The following EPHB1 variants were observed in gnomAD, a reference collection of about 807,000 sequenced individuals.
The protein encoded by EPHB1 is EPH receptor B1.
Under a neutral mutation model 94.4 loss-of-function variants are expected in EPHB1, and 30 were observed. That is an observed-to-expected ratio of 0.32 (90% CI 0.24 to 0.43). The LOEUF (loss-of-function observed/expected upper bound fraction) is 0.43. Ranked by LOEUF, EPHB1 falls within the 20% of genes least tolerant of loss-of-function variation. The pLI, the probability that EPHB1 is intolerant of heterozygous loss-of-function variation, is 1.00. For missense variants in EPHB1, 1,055 were observed against 1,308.3 expected, an observed-to-expected ratio of 0.81 and a Z score of 2.99; for synonymous variants, 522 against 489.1, an observed-to-expected ratio of 1.07 and a Z score of -0.89.
chr3:134,857,675 C>G (rs2037152851), intron 1 of EPHB1, among the ~76,000 whole-genome samples: 2 of 152,106 alleles, frequency 1.3e-5, no homozygotes, highest in Non-Finnish European at 2.9e-5. Context: ...AGTGCTCACC[C>G]CAAGTGACAC....
At chr3:134,996,074 A>C (rs562343203) in intron 3 of EPHB1, among the ~76,000 whole-genome samples, 1 of 152,296 alleles carries the variant, frequency 6.6e-6, no homozygotes, top group African/African-American at 2.4e-5. Context: ...TAAATTTAGC[A>C]ACTTATTTCA....
At chr3:135,019,119 C>A (rs1292831607) in intron 3 of EPHB1, among the ~76,000 whole-genome samples, 2 of 152,114 alleles carry the variant, frequency 1.3e-5, no homozygotes, top group African/African-American at 4.8e-5. Flanking sequence ...TACCTGGAGG[C>A]CCCACACCCC....
intron 3 of EPHB1, among the ~76,000 whole-genome samples, chr3:134,962,232 T>C (rs1933546457): frequency 6.6e-6 from 1 of 152,200 alleles, no homozygotes; most frequent in Non-Finnish European, 1.5e-5. Flanking sequence ...CTTTGCAAAG[T>C]TCCATAAACT....
chr3:135,154,544 C>A (rs1941293746), intron 6 of EPHB1: 1 of 365,292 alleles, frequency 2.7e-6, no homozygotes, highest in African/African-American at 2.1e-5. Context: ...AGGACCAGTC[C>A]CATTTTTCCA....
intron 3 of EPHB1, among the ~76,000 whole-genome samples, chr3:135,037,272 G>A (rs1351009779): frequency 3.9e-5 from 6 of 152,254 alleles, no homozygotes; most frequent in Admixed American, 3.3e-4. Flanking sequence ...GAGACAGGAA[G>A]AATACTGGGA....
At position 135,162,042 on chromosome 3, in the gene EPHB1, A is replaced by G. The variant is rs1176692944; in HGVS notation, c.1447A>G (p.Met483Val). The change falls in exon 7 of 16, where the codon ATG becomes GTG. Residue 483 changes from methionine (M) to valine (V), a missense_variant. Met to Val is a conservative substitution (Grantham distance 21). Coordinates refer to ENST00000398015, the MANE Select transcript of EPHB1 (RefSeq NM_004441.5). ...GGAACACAATGAGTTCAACTCCTCC[A>G]TGGCCAGGAGTCAGACCAACACAGC... ...EKEHNEFNSS[M>V]ARSQTNTARI... 3 of 1,612,262 alleles carry G rather than the reference A, an allele frequency of 1.9e-6. No individual in the cohort carries two copies. In the African/African-American group the frequency reaches 4.0e-5, roughly 22 times the overall value.
chr3:134,929,418 A>G (rs2038860716), intron 2 of EPHB1, among the ~76,000 whole-genome samples: 1 of 152,200 alleles, frequency 6.6e-6, no homozygotes, highest in South Asian at 2.1e-4. Flanking sequence ...TAAGAGCTGA[A>G]TTGTGGCTGA....
At chr3:135,102,758 G>T (rs1339430762) in intron 3 of EPHB1, among the ~76,000 whole-genome samples, 1 of 152,182 alleles carries the variant, frequency 6.6e-6, no homozygotes, top group Non-Finnish European at 1.5e-5. Context: ...ACTGGATAAA[G>T]AAAAGTGGCA....
At chr3:134,877,282 G>A (rs182011204) in intron 1 of EPHB1, among the ~76,000 whole-genome samples, 1 of 152,302 alleles carries the variant, frequency 6.6e-6, no homozygotes, top group Non-Finnish European at 1.5e-5. Flanking sequence ...AGCTTCAGAT[G>A]GTAATGCAGT....
intron 1 of EPHB1, among the ~76,000 whole-genome samples, chr3:134,796,725 T>G (rs933670815): frequency 6.6e-6 from 1 of 152,196 alleles, no homozygotes; most frequent in Non-Finnish European, 1.5e-5. Flanking sequence ...GTTGGAGTTG[T>G]CGGGAGAAAA....
intron 4 of EPHB1, among the ~76,000 whole-genome samples, chr3:135,116,168 C>T (rs535499741): frequency 2.0e-5 from 3 of 152,276 alleles, no homozygotes; most frequent in East Asian, 1.9e-4. Flanking sequence ...GAGCCGAGAT[C>T]GTGCCACTGC....
chr3:135,063,754 C>T (rs1937545912), intron 3 of EPHB1, among the ~76,000 whole-genome samples: 1 of 152,080 alleles, frequency 6.6e-6, no homozygotes, highest in African/African-American at 2.4e-5. Context: ...GAGTGGGCAT[C>T]CTTGTCTTGT....
At chr3:134,920,891 G>A (rs1463524826) in intron 1 of EPHB1, among the ~76,000 whole-genome samples, 2 of 152,048 alleles carry the variant, frequency 1.3e-5, no homozygotes, top group African/African-American at 4.8e-5. Context: ...ACAGGGAAGT[G>A]TTCCCTGGGA....
intron 1 of EPHB1, among the ~76,000 whole-genome samples, chr3:134,873,632 C>T (rs2037548626): frequency 6.6e-6 from 1 of 152,200 alleles, no homozygotes. Flanking sequence ...TGATTTAACT[C>T]CAAACCCTGC....
At chr3:134,918,944 A>C (rs2038623229) in intron 1 of EPHB1, among the ~76,000 whole-genome samples, 1 of 152,188 alleles carries the variant, frequency 6.6e-6, no homozygotes, top group Admixed American at 6.5e-5. Context: ...TAAAAAGCTG[A>C]ACTATTTACA....
At chr3:134,918,724 G>T (rs1176294828) in intron 1 of EPHB1, among the ~76,000 whole-genome samples, 2 of 152,162 alleles carry the variant, frequency 1.3e-5, no homozygotes, top group African/African-American at 4.8e-5. Flanking sequence ...CACTCCAGGC[G>T]TGTGAATGTG....
intron 12 of EPHB1, among the ~76,000 whole-genome samples, chr3:135,206,237 T>C (rs747159820): frequency 2.0e-5 from 3 of 152,214 alleles, no homozygotes; most frequent in Non-Finnish European, 4.4e-5. Flanking sequence ...TATTCCATGG[T>C]TTATTTGTCC....
chr3:134,988,434 G>T (rs1184303059), intron 3 of EPHB1, among the ~76,000 whole-genome samples: 3 of 152,162 alleles, frequency 2.0e-5, no homozygotes, highest in Non-Finnish European at 2.9e-5. Flanking sequence ...TCAAAAAAGA[G>T]CAGTTAGCCT....
chr3:135,224,314 T>C lies in EPHB1; in HGVS notation c.2347-16834T>C, dbSNP rs149812498. On this transcript the variant is annotated intron_variant, in intron 12 of 15. Coordinates refer to ENST00000398015, the MANE Select transcript of EPHB1 (RefSeq NM_004441.5). ...ACATTGACTTGTTTAAGAATACAAGTCACCTTTTTTCATTAATAAGACATT... is the reference window on the plus strand; with the variant it reads ...ACATTGACTTGTTTAAGAATACAAGCCACCTTTTTTCATTAATAAGACATT... 8.7e-4 allele frequency among the ~76,000 whole-genome samples: 133 copies of C among 152,340 alleles called. 1 individual carries two copies. The highest frequency in any genetic ancestry group is 3.1e-3 in the African/African-American group (128 of 41,580).
Sources: gnomAD v4.1 joint callset for allele counts (sites outside exome capture counted in the v4.1 genomes callset) on GRCh38, gnomAD v4.1.1 for gene constraint, MANE v1.5 for transcripts, NCBI Gene and HGNC (gene_info 2026-07-23, HGNC 2026-07-21) for gene names.